The following ZNF560 variants were observed in gnomAD, a reference collection of about 807,000 sequenced individuals.
ZNF560 encodes the protein zinc finger protein 560.
A neutral mutation model predicts 81.8 loss-of-function variants in ZNF560; 54 were observed. The observed-to-expected ratio is 0.66, with a 90% CI of 0.53 to 0.83. The LOEUF (loss-of-function observed/expected upper bound fraction) is 0.83. ZNF560 is among the 40% of genes least tolerant of loss of function. ZNF560 has a pLI of 0.00. For missense variants in ZNF560, 940 were observed against 932.4 expected, an observed-to-expected ratio of 1.01 and a Z score of -0.11; for synonymous variants, 321 against 317.9, an observed-to-expected ratio of 1.01 and a Z score of -0.10.
At position 9,492,287 on chromosome 19, in the gene ZNF560, T is replaced by C. The variant is rs184725731; in HGVS notation, c.-57+5841A>G. 1.3e-3 allele frequency among the ~76,000 whole-genome samples: 204 copies of C among 152,246 alleles called. 1 individual carries two copies. The highest frequency in any genetic ancestry group is 3.4e-3 in the Middle Eastern group (1 of 294). On this transcript the variant is annotated intron_variant, in intron 2 of 9. Transcript: ENST00000301480. Reference sequence around the variant, plus strand: ...GCCAGCTGGTGGCAAGATGATTACATTGGACCACTCCTATCATGAAGGTGA... The same window carrying C: ...GCCAGCTGGTGGCAAGATGATTACACTGGACCACTCCTATCATGAAGGTGA...
At chr19:9,504,967 C>T in the ZNF560 span, among the ~76,000 whole-genome samples, 451 of 152,248 alleles carry the variant, frequency 3.0e-3, 5 homozygotes, top group African/African-American at 0.011. Context: ...CACCTGTAGT[C>T]CCAGCTACTC....
chr19:9,506,404 C>A, the ZNF560 span, among the ~76,000 whole-genome samples: 22 of 130,248 alleles, frequency 1.7e-4, no homozygotes, highest in South Asian at 6.1e-3. Flanking sequence ...TACGACTGCA[C>A]GCTTCTGTTG....
At chr19:9,476,194 C>A (rs2073199507) in intron 2 of ZNF560, among the ~76,000 whole-genome samples, 1 of 152,132 alleles carries the variant, frequency 6.6e-6, no homozygotes, top group Admixed American at 6.5e-5. Flanking sequence ...ATGTCAAGGG[C>A]AGAACCAGAT....
At chr19:9,466,354 A>G (rs906229768), downstream of ZNF560, among the ~76,000 whole-genome samples, 37 of 149,964 alleles carry the variant, frequency 2.5e-4, no homozygotes, top group South Asian at 4.4e-4. Context: ...AAAAAAAAAA[A>G]AGAGAGAGAG....
the ZNF560 span, among the ~76,000 whole-genome samples, chr19:9,458,137 T>A: frequency 4.4e-4 from 67 of 152,318 alleles, no homozygotes; most frequent in African/African-American, 1.5e-3. Context: ...ATTACACGGA[T>A]ATGATCCTGG....
rs530849363 is a variant in ZNF560, at chr19:9,482,996, G to A, written c.-56-7627C>T. ...GTTGCTCAGGCTGGAGTGCAGTGGC[G>A]TGATCTTGGCTCGCTACAACCTCCA... On this transcript the variant is annotated intron_variant, in intron 2 of 9. Transcript: ENST00000301480. Among the ~76,000 whole-genome samples the A allele has an allele frequency of 4.8e-4, 73 of 152,088 alleles. No individual in the cohort carries two copies. In the East Asian group the frequency reaches 0.012, roughly 25 times the overall value.
At chr19:9,499,762 CT>C (rs1368899266), upstream of ZNF560, among the ~76,000 whole-genome samples, 11 of 152,162 alleles carry the variant, frequency 7.2e-5, no homozygotes, top group African/African-American at 2.7e-4. Flanking sequence ...TCTTTAAACT[CT>C]TTCAGTAATG....
At position 9,475,334 on chromosome 19, in the gene ZNF560, T is replaced by G. The variant is rs2073183697; in HGVS notation, c.-21A>C. 2 of 1,613,376 alleles carry G rather than the reference T, an allele frequency of 1.2e-6. No homozygotes were observed. ...GCCATCTTCCTTTCTGCCTCTGTCT[T>G]TTCTTCATGAAGGCAGATTGGGTTC... On this transcript the variant is annotated 5_prime_UTR_variant, in exon 3 of 10. Coordinates refer to ENST00000301480, the MANE Select transcript of ZNF560 (RefSeq NM_152476.3).
At chr19:9,493,978 C>A (rs2073513286) in intron 2 of ZNF560, among the ~76,000 whole-genome samples, 1 of 151,434 alleles carries the variant, frequency 6.6e-6, no homozygotes, top group Non-Finnish European at 1.5e-5. Context: ...ACTAAAAATA[C>A]AAAAATTAGC....
At chr19:9,500,537 C>T (rs781626337), upstream of ZNF560, among the ~76,000 whole-genome samples, 6 of 151,810 alleles carry the variant, frequency 4.0e-5, no homozygotes, top group South Asian at 2.1e-4. Flanking sequence ...TTCGTAAGTG[C>T]GTTTTGTCAC....
intron 5 of ZNF560, among the ~76,000 whole-genome samples, chr19:9,472,594 C>T (rs1173854435): frequency 1.3e-5 from 2 of 152,158 alleles, no homozygotes; most frequent in African/African-American, 4.8e-5. Flanking sequence ...CTCCCATCAC[C>T]CCCAGATCCC....
At chr19:9,501,198 T>G (rs2073629872), upstream of ZNF560, among the ~76,000 whole-genome samples, 1 of 144,606 alleles carries the variant, frequency 6.9e-6, no homozygotes. Flanking sequence ...CTCACACTAT[T>G]GCCCAGGCTG....
the ZNF560 span, among the ~76,000 whole-genome samples, chr19:9,456,406 C>G: frequency 6.6e-6 from 1 of 152,116 alleles, no homozygotes; most frequent in Non-Finnish European, 1.5e-5. Context: ...AAAGGCAGAA[C>G]CGGGAGAGCG....
Position 9,474,201 on chromosome 19 carries a change from A to C in ZNF560, c.155T>G (p.Val52Gly), listed in dbSNP as rs749730294. The C allele has an allele frequency of 5.0e-6, 8 of 1,614,012 alleles. No homozygotes were observed. The highest frequency in any genetic ancestry group is 6.8e-6 in the Non-Finnish European group (8 of 1,180,022). Residue 52 changes from valine to glycine, a missense_variant and splice_region_variant, in exon 4 of 10, where the codon GTA (valine) becomes GGA (glycine). By Grantham distance (109) the Val-to-Gly change is moderately radical. Transcript: ENST00000301480. ...MLENYENVAK[V>G]GFQLFKPSVI... ...GCATAAAATGATGGCAGTCTTACCT[A>C]CTTTGGCCACGTTCTCATAATTCTC...
the ZNF560 span, among the ~76,000 whole-genome samples, chr19:9,455,381 G>A: frequency 1.3e-5 from 2 of 152,202 alleles, no homozygotes; most frequent in Non-Finnish European, 2.9e-5. Context: ...GTGGCCAGAT[G>A]AAGCTTCTAT....
At position 9,469,105 on chromosome 19, in the gene ZNF560, C is replaced by G; in HGVS notation, c.612G>C (p.Leu204Phe). ...FCLKTLNGIQ[L>F]ARNQNGEELY... ...AAGAAAGTTCTTTTGTTAATCTTAC[C>G]AACTGTATCCCATTTAATGTTTTTA... is the stretch of plus-strand genomic sequence containing the variant. The change falls in exon 9 of 10, where the codon TTG (leucine) becomes TTC (phenylalanine). Residue 204 changes from leucine to phenylalanine, a missense_variant and splice_region_variant. Transcript: ENST00000301480. 1 of 1,582,718 alleles carries G rather than the reference C, an allele frequency of 6.3e-7. No individual in the cohort carries two copies. The highest frequency in any genetic ancestry group is 8.6e-7 in the Non-Finnish European group (1 of 1,163,974).
downstream of ZNF560, among the ~76,000 whole-genome samples, chr19:9,461,478 T>C (rs894071753): frequency 3.3e-5 from 5 of 152,298 alleles, no homozygotes; most frequent in Non-Finnish European, 7.4e-5. Flanking sequence ...TACTTTAATC[T>C]TGATTATTAT....
chr19:9,494,179 G>T (rs1376009814), intron 2 of ZNF560, among the ~76,000 whole-genome samples: 1 of 151,378 alleles, frequency 6.6e-6, no homozygotes, highest in Admixed American at 6.6e-5. Context: ...ATGAGGGGCT[G>T]TGCACATTCT....
rs780813105 is a variant in ZNF560 at position 9,467,785 on chromosome 19, G to A, written c.1162C>T (p.Pro388Ser). 1 of 1,614,140 alleles carries A rather than the reference G, an allele frequency of 6.2e-7. No individual in the cohort carries two copies. Among genetic ancestry groups the A allele is most frequent in the South Asian group, 1.1e-5 (1 of 91,078 alleles). ...CKHCGKTFTV[P>S]SGFLEHVRTH... The stretch of plus-strand genomic sequence containing the variant: ...CGTACATGTTCAAGAAAGCCTGACG[G>A]CACAGTGAAGGTTTTGCCACAGTGC... The change falls in exon 10 of 10, where the codon CCG becomes TCG. Residue 388 changes from proline to serine, a missense_variant. Pro to Ser is a moderately conservative substitution (Grantham distance 74). Coordinates refer to ENST00000301480, the MANE Select transcript of ZNF560 (RefSeq NM_152476.3).
Sources: gnomAD v4.1 joint callset for allele counts (sites outside exome capture counted in the v4.1 genomes callset) on GRCh38, gnomAD v4.1.1 for gene constraint, MANE v1.5 for transcripts, NCBI Gene and HGNC (gene_info 2026-07-23, HGNC 2026-07-21) for gene names.